The following MCF2L2 variants were observed in gnomAD, a reference collection of about 807,000 sequenced individuals.
MCF2L2 encodes probable guanine nucleotide exchange factor MCF2L2.
MCF2L2 carries 102 observed loss-of-function variants against 150.2 expected under a neutral mutation model. That is an observed-to-expected ratio of 0.68 (90% CI 0.58 to 0.80). The LOEUF (loss-of-function observed/expected upper bound fraction) is 0.80. Ranked by LOEUF, MCF2L2 falls within the 30% of genes least tolerant of loss-of-function variation. The pLI is 0.00. For missense variants in MCF2L2, 1,256 were observed against 1,372.8 expected (o/e 0.91, Z 1.34); for synonymous variants, 465 against 491.3 (o/e 0.95, Z 0.71).
At chr3:183,351,960 AG>A (rs1333445589) in intron 3 of MCF2L2, among the ~76,000 whole-genome samples, 1 of 152,186 alleles carries the variant, frequency 6.6e-6, no homozygotes, top group Non-Finnish European at 1.5e-5. Flanking sequence ...TCAAGTCGCT[AG>A]GGACCATGGA....
intron 27 of MCF2L2, among the ~76,000 whole-genome samples, chr3:183,189,734 C>T (rs780738703): frequency 4.6e-5 from 7 of 152,226 alleles, no homozygotes; most frequent in South Asian, 2.1e-4. Flanking sequence ...ACTAAATCTA[C>T]GGCTGCCGCC....
At position 183,275,608 on chromosome 3, in the gene MCF2L2, G is replaced by GT. The variant is rs983807564; in HGVS notation, c.1862+1263dup. Among the ~76,000 whole-genome samples, 30 of 151,918 alleles carry GT rather than the reference G, an allele frequency of 2.0e-4. No individual in the cohort carries two copies. In the South Asian group the frequency reaches 3.9e-3, roughly 20 times the overall value. On this transcript the variant is annotated intron_variant, in intron 15 of 29. Coordinates refer to ENST00000328913, the MANE Select transcript of MCF2L2 (RefSeq NM_015078.4). The stretch of plus-strand genomic sequence containing the variant: ...TTTGGCAGTCTGCCATACGTTTTTT[G>GT]TTTTTTTTCTTCCTCTTTGAGACAG...
chr3:183,311,134 A>G, intron 8 of MCF2L2, 105 bp from the exon 9 acceptor site: 1 of 650,450 alleles, frequency 1.5e-6, no homozygotes, highest in Admixed American at 2.6e-5. Context: ...AGTGGTGTCA[A>G]TTGTGACCAT....
chr3:183,193,495 C>T (rs1422732033), intron 26 of MCF2L2, among the ~76,000 whole-genome samples: 1 of 151,938 alleles, frequency 6.6e-6, no homozygotes, highest in East Asian at 1.9e-4. Context: ...GGACTACATG[C>T]GTGTGCCACC....
chr3:183,202,782 T>A (rs964902023), intron 25 of MCF2L2, among the ~76,000 whole-genome samples: 5 of 152,140 alleles, frequency 3.3e-5, no homozygotes, highest in African/African-American at 1.2e-4. Flanking sequence ...ACAGTAGAGG[T>A]GGGAAGGTCC....
At chr3:183,337,382 C>A (rs941622302) in intron 5 of MCF2L2, among the ~76,000 whole-genome samples, 2 of 151,896 alleles carry the variant, frequency 1.3e-5, no homozygotes, top group Non-Finnish European at 2.9e-5. Context: ...CATGGTAAAA[C>A]CCCGTCTCTA....
chr3:183,368,111 G>A (rs1448926933), intron 3 of MCF2L2, among the ~76,000 whole-genome samples: 1 of 152,174 alleles, frequency 6.6e-6, no homozygotes, highest in Non-Finnish European at 1.5e-5. Flanking sequence ...GCTTGGACTA[G>A]ACCAGCAGTT....
intron 10 of MCF2L2, among the ~76,000 whole-genome samples, chr3:183,308,846 T>G (rs1005495160): frequency 2.6e-5 from 4 of 152,330 alleles, no homozygotes; most frequent in African/African-American, 9.6e-5. Flanking sequence ...GCTCACACTT[T>G]GGCAAATCTC....
At chr3:183,266,234 A>G (rs1272854542) in intron 15 of MCF2L2, 1 of 152,220 alleles carries the variant, frequency 6.6e-6, no homozygotes, top group Non-Finnish European at 1.5e-5. Context: ...GTCTAGCAAG[A>G]AGCTCAGACT....
intron 3 of MCF2L2, among the ~76,000 whole-genome samples, chr3:183,364,763 C>T (rs1712425529): frequency 6.6e-6 from 1 of 152,044 alleles, no homozygotes; most frequent in African/African-American, 2.4e-5. Flanking sequence ...TTGCACATCC[C>T]TATGCAAAAA....
intron 12 of MCF2L2, chr3:183,296,754 A>C (rs1316738825): frequency 3.9e-6 from 2 of 512,560 alleles, no homozygotes; most frequent in African/African-American, 3.8e-5. Context: ...AATGCTCATA[A>C]GCATTAATAG....
At chr3:183,374,515 A>C (rs1410755666) in intron 3 of MCF2L2, 1 of 152,136 alleles carries the variant, frequency 6.6e-6, no homozygotes, top group African/African-American at 2.4e-5. Flanking sequence ...TAAAAATACA[A>C]AAATTAGCTG....
chr3:183,199,173 TC>T (rs1332775822), intron 25 of MCF2L2, among the ~76,000 whole-genome samples: 2 of 152,198 alleles, frequency 1.3e-5, no homozygotes, highest in Non-Finnish European at 2.9e-5. Flanking sequence ...CTTTGCACGT[TC>T]CTGAGCAGCT....
intron 26 of MCF2L2, among the ~76,000 whole-genome samples, chr3:183,194,336 G>A (rs1446342316): frequency 1.3e-5 from 2 of 152,144 alleles, no homozygotes; most frequent in South Asian, 2.1e-4. Context: ...AATTATAGAC[G>A]AAGATTGTAA....
chr3:183,205,853 G>GA, intron 25 of MCF2L2, 23 bp downstream of exon 25: 1 of 1,586,674 alleles, frequency 6.3e-7, no homozygotes, highest in East Asian at 2.2e-5. Flanking sequence ...CTCGACAGAC[G>GA]AAAGTCAGCA....
At chr3:183,393,586 A>G (rs1322960143) in intron 1 of MCF2L2, among the ~76,000 whole-genome samples, 2 of 152,224 alleles carry the variant, frequency 1.3e-5, no homozygotes, top group Non-Finnish European at 2.9e-5. Context: ...TATACTAGGG[A>G]AAAACTTGTC....
Position 183,387,931 on chromosome 3 carries a change from C to CAAAA in MCF2L2, c.160+1761_160+1764dup, listed in dbSNP as rs61024469. ...TGGATGACAGAGCAAGACTCCATCTCAAAAAAAAAAAAAAAAAAAAAAAGA... is the reference window on the plus strand; with the variant it reads ...TGGATGACAGAGCAAGACTCCATCTCAAAAAAAAAAAAAAAAAAAAAAAAAAAGA... On this transcript the variant is annotated intron_variant, in intron 2 of 29. Transcript: ENST00000328913. Among the ~76,000 whole-genome samples the CAAAA allele has an allele frequency of 3.1e-3, 224 of 72,236 alleles. 2 individuals carry two copies. Among genetic ancestry groups the CAAAA allele is most frequent in the African/African-American group, 0.012 (186 of 15,734 alleles). The allele number at this position is 72,236 out of a possible 152,430, so 47.4% of individuals were successfully genotyped here.
At chr3:183,228,166 C>G (rs1723417621) in intron 18 of MCF2L2, 131 bp downstream of exon 18, 3 of 656,764 alleles carry the variant, frequency 4.6e-6, no homozygotes, top group Non-Finnish European at 8.2e-6. Context: ...AATTATACTT[C>G]AGTAAAGCTT....
intron 1 of MCF2L2, among the ~76,000 whole-genome samples, chr3:183,413,621 C>A (rs1025215866): frequency 1.3e-5 from 2 of 152,226 alleles, no homozygotes; most frequent in African/African-American, 4.8e-5. Flanking sequence ...CGCCTGCACC[C>A]CCAACTCAGC....
Sources: gnomAD v4.1 joint callset for allele counts (sites outside exome capture counted in the v4.1 genomes callset) on GRCh38, gnomAD v4.1.1 for gene constraint, MANE v1.5 for transcripts, NCBI Gene and HGNC (gene_info 2026-07-23, HGNC 2026-07-21) for gene names.